ZNF738: variants seen among roughly 807,000 people sequenced by gnomAD.
ZNF738 encodes the protein protein ZNF738.
In ZNF738, 10 loss-of-function variants were observed where a neutral mutation model predicts 9.2. The observed-to-expected ratio is 1.09, with a 90% CI of 0.67 to 1.85. The LOEUF is 1.85. ZNF738 is among the 40% of genes most tolerant of loss of function. The probability of loss-of-function intolerance (pLI) is 0.00; values close to 1 mark genes in which losing one functional copy is unlikely to be tolerated. For missense variants in ZNF738, 346 were observed against 283.6 expected, an observed-to-expected ratio of 1.22 and a Z score of -1.58; for synonymous variants, 113 against 94.5, an observed-to-expected ratio of 1.20 and a Z score of -1.14.
At position 21,383,631 on chromosome 19, in the gene ZNF738, A is replaced by G; in HGVS notation, c.1085A>G (p.His362Arg). Residue 362 changes from histidine to arginine, a missense_variant, in exon 5 of 5, where the codon CAT becomes CGT. Transcript: ENST00000683779. ...AATTGGTACTCACACCTTACCAGAC[A>G]TAAGATAATTCATACTGGAGAGAAA... Reference protein sequence around the residue: ...AFNWYSHLTRHKIIHTGEKPY... With the variant: ...AFNWYSHLTRRKIIHTGEKPY... 2.1e-6 allele frequency: 2 copies of G among 969,790 alleles called. No individual in the cohort carries two copies. Among genetic ancestry groups the G allele is most frequent in the East Asian group, 2.7e-5 (1 of 36,938 alleles). The allele number at this position is 969,790 out of a possible 1,614,324, so 60.1% of individuals were successfully genotyped here.
intron 2 of ZNF738, 48 bp downstream of exon 2, chr19:21,361,906 C>A: frequency 1.4e-6 from 1 of 738,792 alleles, no homozygotes; most frequent in Non-Finnish European, 2.5e-6. Context: ...GCTTGAAAAA[C>A]ATGCTCTACT....
chr19:21,359,191 G>C (rs957857592), intron 1 of ZNF738, 48 bp downstream of exon 1: 1 of 1,049,492 alleles, frequency 9.5e-7, no homozygotes, highest in Admixed American at 1.7e-5. Context: ...GGGCTGGTTG[G>C]AACCGGTGGG....
intron 4 of ZNF738, chr19:21,378,339 T>C (rs543062982): frequency 6.1e-4 from 132 of 217,884 alleles, no homozygotes; most frequent in African/African-American, 2.9e-3. Context: ...TTTGTGTTGC[T>C]TTGTTAAATC....
At position 21,386,214 on chromosome 19, in the gene ZNF738, T is replaced by C; in HGVS notation, c.*2540T>C. On this transcript the variant is annotated 3_prime_UTR_variant, in exon 5 of 5. Coordinates refer to ENST00000683779, the MANE Select transcript of ZNF738 (RefSeq NM_001355237.2). ...TGTGGCAAAGCCTTTAATGGTCCCC[T>C]CAACTTTCTGCACATAAGATAATTT... is the stretch of plus-strand genomic sequence containing the variant. The C allele has an allele frequency of 3.5e-6, 1 of 282,466 alleles. No homozygotes were observed. The highest frequency in any genetic ancestry group is 3.9e-5 in the South Asian group (1 of 25,662). 17.5% of individuals were successfully genotyped at this position (282,466 alleles called of 1,614,324 possible). A position where few individuals can be genotyped will look rare whatever the true frequency, so the allele number is the denominator to read the frequency against.
intron 2 of ZNF738, among the ~76,000 whole-genome samples, chr19:21,364,455 T>A (rs1973748149): frequency 6.6e-6 from 1 of 151,896 alleles, no homozygotes; most frequent in Non-Finnish European, 1.5e-5. Context: ...TGAGGGTAGC[T>A]CAAAGTTCAG....
intron 2 of ZNF738, among the ~76,000 whole-genome samples, chr19:21,370,601 G>GTTCA (rs1301081923): frequency 6.6e-6 from 1 of 152,068 alleles, no homozygotes; most frequent in Non-Finnish European, 1.5e-5. Context: ...TTTCTTATTT[G>GTTCA]TTCAGTCTTT....
chr19:21,384,612 TA>T lies in ZNF738; in HGVS notation c.*943del, dbSNP rs943778295. On this transcript the variant is annotated 3_prime_UTR_variant, in exon 5 of 5. Coordinates refer to ENST00000683779, the MANE Select transcript of ZNF738 (RefSeq NM_001355237.2). ...ATGTGAAGAATGTGGCAAAGCTTTT[TA>T]AAAATCCTCAAACCTTACTAATCAT... 4.2e-5 allele frequency among the ~76,000 whole-genome samples: 5 copies of T among 119,472 alleles called. No individual in the cohort carries two copies. The East Asian group carries it at 1.2e-3, about 29-fold the overall frequency. 78.4% of individuals were successfully genotyped at this position (119,472 alleles called of 152,430 possible). A position where few individuals can be genotyped will look rare whatever the true frequency, so the allele number is the denominator to read the frequency against.
At position 21,384,891 on chromosome 19, in the gene ZNF738, A is replaced by G. The variant is rs1176537829; in HGVS notation, c.*1217A>G. Among the ~76,000 whole-genome samples, 1 of 152,194 alleles carries G rather than the reference A, an allele frequency of 6.6e-6. No homozygotes were observed. Among genetic ancestry groups the G allele is most frequent in the African/African-American group, 2.4e-5 (1 of 41,442 alleles). On this transcript the variant is annotated 3_prime_UTR_variant, in exon 5 of 5. Coordinates refer to ENST00000683779, the MANE Select transcript of ZNF738 (RefSeq NM_001355237.2). ...CCAATCTTCAACCCTTACTATACAT[A>G]AGATAATTCATATTGGAGAATAACA...
intron 4 of ZNF738, 54 bp downstream of exon 4, chr19:21,376,018 A>G: frequency 1.7e-6 from 1 of 577,810 alleles, no homozygotes; most frequent in African/African-American, 1.9e-5. Context: ...GAAGATTACA[A>G]AAAAAAAAAA....
intron 2 of ZNF738, among the ~76,000 whole-genome samples, chr19:21,371,185 A>T (rs1973851823): frequency 6.6e-6 from 1 of 152,198 alleles, no homozygotes; most frequent in African/African-American, 2.4e-5. Flanking sequence ...GCTAGCAAAA[A>T]TCAGGATAGG....
At chr19:21,362,056 T>A (rs1973703839) in intron 2 of ZNF738, among the ~76,000 whole-genome samples, 198 bp downstream of exon 2, 1 of 151,500 alleles carries the variant, frequency 6.6e-6, no homozygotes. Context: ...CACTCTAGCC[T>A]GGGCAACAAG....
chr19:21,377,083 G>A (rs532820903), intron 4 of ZNF738, among the ~76,000 whole-genome samples: 60 of 151,930 alleles, frequency 3.9e-4, no homozygotes, highest in Non-Finnish European at 6.8e-4. Flanking sequence ...CGAGGCGAGC[G>A]GATCATCTGA....
rs1974089309 is a variant in ZNF738 at position 21,388,154 on chromosome 19, A to C, written c.*4480A>C. On this transcript the variant is annotated 3_prime_UTR_variant, in exon 5 of 5. Transcript: ENST00000683779. ...TTGATAGAAAAAGTATTTGTATATA[A>C]ATTTAAGAGGAGTAAAAGATTTTTT... 6.6e-6 allele frequency among the ~76,000 whole-genome samples: 1 copy of C among 152,188 alleles called. No individual in the cohort carries two copies. The highest frequency in any genetic ancestry group is 1.5e-5 in the Non-Finnish European group (1 of 68,020).
chr19:21,366,604 C>T (rs960883358), intron 2 of ZNF738, among the ~76,000 whole-genome samples: 163 of 152,242 alleles, frequency 1.1e-3, no homozygotes, highest in African/African-American at 3.8e-3. Context: ...CAGGGCAAGT[C>T]ATAAAGTGAA....
Position 21,383,416 on chromosome 19 carries a change from T to A in ZNF738, c.870T>A (p.Cys290Ter). ...ATGCTGGAGAGAAACACTACAAATG[T>A]GAAAAATGTGGCAAAGATTTTAAAC... ...VIHAGEKHYK[C>*]EKCGKDFKQS... Residue 290 changes from cysteine (C) to a stop codon, truncating the protein, a stop_gained, in exon 5 of 5, where the codon TGT (cysteine) becomes TGA (stop). Coordinates refer to ENST00000683779, the MANE Select transcript of ZNF738 (RefSeq NM_001355237.2). LOFTEE classifies it low-confidence loss of function (END_TRUNC). 3.4e-6 allele frequency: 2 copies of A among 580,314 alleles called. No individual in the cohort carries two copies. The highest frequency in any genetic ancestry group is 5.9e-6 in the Non-Finnish European group (2 of 336,794). The allele number at this position is 580,314 out of a possible 1,614,324, so 35.9% of individuals were successfully genotyped here. A position where few individuals can be genotyped will look rare whatever the true frequency, so the allele number is the denominator to read the frequency against.
intron 2 of ZNF738, among the ~76,000 whole-genome samples, chr19:21,370,813 T>C (rs5827501): frequency 0.58 from 85,923 of 148,360 alleles, 24,594 homozygotes; most frequent in Middle Eastern, 0.7. Context: ...CAGGCTAACC[T>C]CACCTAGAAC....
chr19:21,377,557 TAATA>T (rs1344615716), intron 4 of ZNF738: 7 of 537,370 alleles, frequency 1.3e-5, no homozygotes, highest in Admixed American at 3.5e-5. Context: ...GGTTCCCAGT[TAATA>T]AATCTATTAT....
intron 2 of ZNF738, among the ~76,000 whole-genome samples, chr19:21,362,750 T>A (rs925842589): frequency 1.3e-5 from 2 of 152,224 alleles, no homozygotes; most frequent in African/African-American, 4.8e-5. Context: ...ACTTACCTTT[T>A]TCTTTCCCAG....
chr19:21,376,102 T>A, intron 4 of ZNF738, 138 bp downstream of exon 4: 1 of 480,960 alleles, frequency 2.1e-6, no homozygotes, highest in Non-Finnish European at 3.8e-6. Flanking sequence ...GGTGTGTGGT[T>A]TTTTTGTTTG....
Sources: allele counts gnomAD v4.1 joint callset (sites outside exome capture counted in the v4.1 genomes callset), GRCh38; gene constraint gnomAD v4.1.1; transcripts MANE v1.5; gene names NCBI Gene and HGNC (gene_info 2026-07-23, HGNC 2026-07-21).